The following TBCD variants were observed in gnomAD, a reference collection of about 807,000 sequenced individuals.
The protein encoded by TBCD is tubulin folding cofactor D.
Under a neutral mutation model 169.3 loss-of-function variants are expected in TBCD, and 105 were observed. That is an observed-to-expected ratio of 0.62 (90% confidence interval 0.53 to 0.73). The LOEUF (loss-of-function observed/expected upper bound fraction) is 0.73, where lower values mean the gene tolerates loss of function less well. TBCD is among the 30% of genes least tolerant of loss of function. The pLI is 0.00. For synonymous variants in TBCD, 700 were observed against 643.9 expected (o/e 1.09, Z -1.32); for missense variants, 1,444 against 1,600.1 (o/e 0.90, Z 1.66).
At chr17:82,905,478 C>T (rs949294566) in intron 19 of TBCD, among the ~76,000 whole-genome samples, 16 of 145,286 alleles carry the variant, frequency 1.1e-4, no homozygotes, top group African/African-American at 3.6e-4. Flanking sequence ...TCCCACAGGT[C>T]GTCCGTGTGT....
chr17:82,780,768 C>A (rs1257139455), intron 6 of TBCD, among the ~76,000 whole-genome samples: 1 of 151,484 alleles, frequency 6.6e-6, no homozygotes, highest in Non-Finnish European at 1.5e-5. Flanking sequence ...CCTTAGCCTC[C>A]TGAGTAGCTG....
At chr17:82,762,044 T>G (rs748028019) in intron 2 of TBCD, among the ~76,000 whole-genome samples, 26 of 151,372 alleles carry the variant, frequency 1.7e-4, no homozygotes, top group Non-Finnish European at 3.7e-4. Flanking sequence ...TTGTTTCCGG[T>G]TTTTGGCTGT....
At chr17:82,919,421 T>C (rs2061280170) in intron 23 of TBCD, among the ~76,000 whole-genome samples, 1 of 151,964 alleles carries the variant, frequency 6.6e-6, no homozygotes, top group East Asian at 1.9e-4. Flanking sequence ...AAAACGGAGA[T>C]TGAGAATAAA....
At chr17:82,838,731 A>G (rs1322143108) in intron 13 of TBCD, 2 of 985,330 alleles carry the variant, frequency 2.0e-6, no homozygotes, top group Non-Finnish European at 2.4e-6. Flanking sequence ...GACCTGGGGA[A>G]AAGACAGTCT....
rs985594009 is a variant in TBCD at position 82,835,445 on chromosome 17, G to A, written c.1318+20511G>A. The stretch of plus-strand genomic sequence containing the variant: ...TCTTTCTTTCTTTCTTTTTTGAGAC[G>A]GAGTTTTGGTCTTGTTGCCCAGGCT... On this transcript the variant is annotated intron_variant, in intron 13 of 38. Transcript: ENST00000355528. The surrounding 1 kb of genome is among the most constrained non-coding windows in gnomAD (Gnocchi z 4.5). Among the ~76,000 whole-genome samples the A allele has an allele frequency of 1.3e-5, 2 of 151,958 alleles. No individual in the cohort carries two copies.
chr17:82,802,643 A>T (rs1465593607), intron 9 of TBCD, among the ~76,000 whole-genome samples: 1 of 152,146 alleles, frequency 6.6e-6, no homozygotes, highest in Non-Finnish European at 1.5e-5. Context: ...CAGTTGAGAG[A>T]TTGCCAGGCA....
intron 13 of TBCD, among the ~76,000 whole-genome samples, chr17:82,863,949 A>C (rs2056975976): frequency 6.6e-6 from 1 of 152,204 alleles, no homozygotes; most frequent in Non-Finnish European, 1.5e-5. Flanking sequence ...CGGCAGTCCG[A>C]CGTGCAGTCA....
At chr17:82,783,697 C>T (rs902699647) in intron 7 of TBCD, among the ~76,000 whole-genome samples, 35 of 152,152 alleles carry the variant, frequency 2.3e-4, no homozygotes, top group African/African-American at 8.5e-4. Context: ...CCTTTATGGC[C>T]GAATCATAAG....
chr17:82,805,663 C>T (rs565724716), intron 9 of TBCD, among the ~76,000 whole-genome samples: 18 of 152,272 alleles, frequency 1.2e-4, no homozygotes, highest in Middle Eastern at 6.8e-3. Context: ...GTTCTGGACT[C>T]GGGGCGTGTT....
At position 82,833,805 on chromosome 17, in the gene TBCD, C is replaced by T. The variant is rs1051045327; in HGVS notation, c.1318+18871C>T. On this transcript the variant is annotated intron_variant, in intron 13 of 38. Coordinates refer to ENST00000355528, the MANE Select transcript of TBCD (RefSeq NM_005993.5). This position sits in a 1 kb window ranked among gnomAD's most constrained non-coding sequence, Gnocchi z 4.7. ...CCCTCTGGCCACACCCACTCAGGTC[C>T]TGGGACCCACCAGAGGCTGTGTGTG... Among the ~76,000 whole-genome samples the T allele has an allele frequency of 3.9e-5, 6 of 152,174 alleles. No homozygotes were observed. Among genetic ancestry groups the T allele is most frequent in the African/African-American group, 1.4e-4 (6 of 41,412 alleles).
At chr17:82,818,850 T>G (rs372026479) in intron 13 of TBCD, among the ~76,000 whole-genome samples, 144 of 152,312 alleles carry the variant, frequency 9.5e-4, no homozygotes, top group Middle Eastern at 6.8e-3. Flanking sequence ...GGGGATCACC[T>G]GAGGCCAGGA....
intron 15 of TBCD, among the ~76,000 whole-genome samples, chr17:82,888,781 A>C (rs1225743122): frequency 1.3e-5 from 2 of 152,238 alleles, no homozygotes; most frequent in Non-Finnish European, 2.9e-5. Flanking sequence ...GCCATCGCTC[A>C]ACCTTGCTCT....
intron 14 of TBCD, among the ~76,000 whole-genome samples, chr17:82,875,433 C>G (rs1214178361): frequency 2.0e-5 from 3 of 152,084 alleles, no homozygotes; most frequent in Non-Finnish European, 2.9e-5. Context: ...AAGCCGAGCC[C>G]TACGCTGCTG....
chr17:82,787,592 C>A (rs991761370), intron 7 of TBCD, among the ~76,000 whole-genome samples: 1 of 152,218 alleles, frequency 6.6e-6, no homozygotes, highest in Non-Finnish European at 1.5e-5. Flanking sequence ...AGAGGCCGGG[C>A]GCCTGCTGTA....
chr17:82,828,066 C>T (rs1169382996), intron 13 of TBCD, among the ~76,000 whole-genome samples: 1 of 150,166 alleles, frequency 6.7e-6, no homozygotes, highest in Non-Finnish European at 1.5e-5. Flanking sequence ...CAGATACGCA[C>T]ATGTGCACAT....
chr17:82,784,849 T>C (rs982873092), intron 7 of TBCD, among the ~76,000 whole-genome samples: 10 of 152,174 alleles, frequency 6.6e-5, no homozygotes, highest in Admixed American at 6.5e-4. Flanking sequence ...GCATGGGGTG[T>C]GGCAACTGCC....
At position 82,806,055 on chromosome 17, in the gene TBCD, G is replaced by A. The variant is rs181809647; in HGVS notation, c.1087+44G>A. The A allele has an allele frequency of 5.8e-4, 923 of 1,597,130 alleles. 8 individuals are homozygous for A. The African/African-American group carries it at 0.011, about 19-fold the overall frequency. ...GCGGCCTCTGCTCTTGGGCACCGTC[G>A]GGCCAATTCCCCTCTACTCCAGGAC... is the stretch of plus-strand genomic sequence containing the variant. On this transcript the variant is annotated intron_variant, in intron 10 of 38. Coordinates refer to ENST00000355528, the MANE Select transcript of TBCD (RefSeq NM_005993.5). The surrounding 1 kb of genome is among the most constrained non-coding windows in gnomAD (Gnocchi z 5.1).
chr17:82,802,842 C>T (rs1235305823), intron 9 of TBCD, among the ~76,000 whole-genome samples: 2 of 152,348 alleles, frequency 1.3e-5, no homozygotes, highest in East Asian at 1.9e-4. Flanking sequence ...CGCCCCACGG[C>T]GCAGTCAGGT....
At chr17:82,846,261 C>CCCTGTGCCGTG (rs2055055119) in intron 13 of TBCD, among the ~76,000 whole-genome samples, 8 of 146,352 alleles carry the variant, frequency 5.5e-5, no homozygotes, top group Non-Finnish European at 6.2e-5. Context: ...GCGCTGCGTC[C>CCCTGTGCCGTG]TCTGTGCTGT....
Sources: gnomAD v4.1 joint callset for allele counts (sites outside exome capture counted in the v4.1 genomes callset) on GRCh38, gnomAD v4.1.1 for gene constraint, Gnocchi (gnomAD v3.1) non-coding constraint, MANE v1.5 for transcripts, NCBI Gene and HGNC (gene_info 2026-07-23, HGNC 2026-07-21) for gene names.